DLG2: variants seen among roughly 807,000 people sequenced by gnomAD.
The protein encoded by DLG2 is disks large homolog 2.
Under a neutral mutation model 132.5 loss-of-function variants are expected in DLG2, and 45 were observed. The observed-to-expected ratio is 0.34, with a 90% confidence interval of 0.27 to 0.44. The LOEUF (loss-of-function observed/expected upper bound fraction) is 0.44, where lower values mean the gene tolerates loss of function less well. Among genes scored for constraint, DLG2 ranks in the 20% least tolerant of loss-of-function variants. The pLI is 1.00. For missense variants in DLG2, 1,045 were observed against 1,196.9 expected (o/e 0.87, Z 1.87); for synonymous variants, 424 against 419.6 (o/e 1.01, Z -0.13).
intron 2 of DLG2, among the ~76,000 whole-genome samples, chr11:85,609,624 C>T (rs906573011): frequency 2.6e-5 from 4 of 152,232 alleles, no homozygotes; most frequent in African/African-American, 4.8e-5. Context: ...TGCACTGCCA[C>T]AGAGTGCAGA....
At chr11:85,321,371 T>C (rs959358139) in intron 3 of DLG2, among the ~76,000 whole-genome samples, 9 of 152,006 alleles carry the variant, frequency 5.9e-5, no homozygotes, top group African/African-American at 1.9e-4. Context: ...TAGTGTTTGG[T>C]TTTATGAGTT....
intron 4 of DLG2, among the ~76,000 whole-genome samples, chr11:85,167,231 A>T (rs2078517814): frequency 6.6e-6 from 1 of 152,174 alleles, no homozygotes; most frequent in African/African-American, 2.4e-5. Flanking sequence ...TGTACAGATC[A>T]GCCTGAGTCA....
chr11:84,151,020 T>C (rs2095275674), intron 9 of DLG2, among the ~76,000 whole-genome samples: 1 of 152,176 alleles, frequency 6.6e-6, no homozygotes, highest in Non-Finnish European at 1.5e-5. Context: ...AGTATTTTGT[T>C]GAGAATTTTT....
intron 2 of DLG2, among the ~76,000 whole-genome samples, chr11:85,621,399 G>A (rs2153276598): frequency 6.6e-6 from 1 of 152,282 alleles, no homozygotes; most frequent in East Asian, 1.9e-4. Context: ...TATTATTTAA[G>A]AAATAAATTT....
At position 84,897,929 on chromosome 11, in the gene DLG2, A is replaced by C. The variant is rs538977526; in HGVS notation, c.357+213732T>G. On this transcript the variant is annotated intron_variant, in intron 6 of 27. Transcript: ENST00000376104. The stretch of plus-strand genomic sequence containing the variant: ...TGAACTATTATTGTTGGAAAAATAC[A>C]TAAGCTCCTATAAAAAAGACTGAAG... Among the ~76,000 whole-genome samples the C allele has an allele frequency of 1.9e-3, 285 of 151,996 alleles. 1 individual carries two copies. Among genetic ancestry groups the C allele is most frequent in the African/African-American group, 6.6e-3 (276 of 41,538 alleles).
chr11:84,665,764 C>T (rs1164737766), intron 6 of DLG2, among the ~76,000 whole-genome samples: 2 of 152,116 alleles, frequency 1.3e-5, no homozygotes, highest in East Asian at 3.9e-4. Context: ...AAATATTTCA[C>T]TTATTTTTAA....
chr11:84,761,738 C>T (rs1322157826), intron 6 of DLG2, among the ~76,000 whole-genome samples: 3 of 152,136 alleles, frequency 2.0e-5, no homozygotes, highest in Admixed American at 6.5e-5. Context: ...CTATTGGCTT[C>T]CCTACTTTTG....
chr11:84,450,983 T>C (rs985887021), intron 7 of DLG2, among the ~76,000 whole-genome samples: 2 of 151,830 alleles, frequency 1.3e-5, no homozygotes, highest in Non-Finnish European at 2.9e-5. Context: ...CATCACGCAA[T>C]ATACCCATGT....
At chr11:83,555,453 G>C (rs553901116) in intron 19 of DLG2, among the ~76,000 whole-genome samples, 2 of 152,190 alleles carry the variant, frequency 1.3e-5, no homozygotes, top group Non-Finnish European at 2.9e-5. Context: ...AGTGGGGAAA[G>C]GTAGTAATCC....
In DLG2 at chr11:83,779,988, A is replaced by G. The variant is rs2094744839; in HGVS notation, c.1825+6702T>C. Among the ~76,000 whole-genome samples the G allele has an allele frequency of 2.0e-5, 3 of 152,304 alleles. No individual in the cohort carries two copies. The South Asian group carries it at 6.2e-4, about 32-fold the overall frequency. ...ACGGTACTTTCTGTTCTGAAAGCTT[A>G]CTTAAATGTTCTCTGATGATTCTGA... On this transcript the variant is annotated intron_variant, in intron 18 of 27. Transcript: ENST00000376104.
chr11:84,936,567 A>G (rs1197394063), intron 6 of DLG2: 1 of 152,148 alleles, frequency 6.6e-6, no homozygotes, highest in African/African-American at 2.4e-5. Context: ...ATACAATTCT[A>G]TATACATATT....
intron 6 of DLG2, among the ~76,000 whole-genome samples, chr11:84,591,768 T>C (rs1187799602): frequency 1.3e-5 from 2 of 152,170 alleles, no homozygotes; most frequent in Admixed American, 1.3e-4. Flanking sequence ...CTGGGAAGCA[T>C]TTACAACTCC....
intron 3 of DLG2, among the ~76,000 whole-genome samples, chr11:85,394,955 A>G (rs957613529): frequency 2.0e-5 from 3 of 152,172 alleles, no homozygotes; most frequent in African/African-American, 7.2e-5. Flanking sequence ...TGGAACATGT[A>G]TACTTTTGCA....
intron 6 of DLG2, among the ~76,000 whole-genome samples, chr11:84,989,927 T>C (rs188447294): frequency 1.5e-4 from 23 of 152,294 alleles, no homozygotes; most frequent in Admixed American, 9.1e-4. Flanking sequence ...GCTGGAGCAA[T>C]TGGACATCTA....
At chr11:85,418,150 T>C (rs1335612623) in intron 3 of DLG2, among the ~76,000 whole-genome samples, 1 of 152,212 alleles carries the variant, frequency 6.6e-6, no homozygotes, top group Non-Finnish European at 1.5e-5. Context: ...TTGTTTTTGT[T>C]CTCATTGGTT....
chr11:83,747,740 G>C (rs757664690), intron 18 of DLG2, among the ~76,000 whole-genome samples: 6 of 151,764 alleles, frequency 4.0e-5, no homozygotes, highest in Non-Finnish European at 7.4e-5. Flanking sequence ...GGTTGTATTA[G>C]TGCTGCAAGT....
At chr11:84,844,135 G>GTGTATA (rs1227140689) in intron 6 of DLG2, among the ~76,000 whole-genome samples, 21 of 43,700 alleles carry the variant, frequency 4.8e-4, no homozygotes, top group East Asian at 3.7e-3. Context: ...GTGTGTGTGT[G>GTGTATA]TATATATATA....
intron 21 of DLG2, among the ~76,000 whole-genome samples, chr11:83,519,976 T>A (rs1419147527): frequency 6.6e-6 from 1 of 152,226 alleles, no homozygotes; most frequent in African/African-American, 2.4e-5. Flanking sequence ...CACATTTACC[T>A]CATGCCCCAA....
At chr11:83,848,659 C>A (rs2059111082) in intron 16 of DLG2, among the ~76,000 whole-genome samples, 1 of 152,228 alleles carries the variant, frequency 6.6e-6, no homozygotes, top group South Asian at 2.1e-4. Context: ...CATGACATCT[C>A]TGCCAGGGAT....
Sources: allele counts gnomAD v4.1 joint callset (sites outside exome capture counted in the v4.1 genomes callset), GRCh38; gene constraint gnomAD v4.1.1; transcripts MANE v1.5; gene names NCBI Gene and HGNC (gene_info 2026-07-23, HGNC 2026-07-21).